CFAP97D2: variants seen among roughly 807,000 people sequenced by gnomAD.
CFAP97D2 encodes the protein uncharacterized protein CFAP97D2.
intron 4 of CFAP97D2, among the ~76,000 whole-genome samples, chr13:114,218,559 A>G (rs2138790565): frequency 6.6e-6 from 1 of 152,316 alleles, no homozygotes; most frequent in East Asian, 1.9e-4. Flanking sequence ...AAAAGAGCCC[A>G]CATTGCAAAG....
At chr13:114,217,177 TA>T (rs1177524741) in intron 4 of CFAP97D2, among the ~76,000 whole-genome samples, 1 of 152,088 alleles carries the variant, frequency 6.6e-6, no homozygotes, top group African/African-American at 2.4e-5. Context: ...ATAGATGCAA[TA>T]AAAAATGATA....
rs917811577 is a variant in CFAP97D2 at position 114,222,164 on chromosome 13, C to G, written c.481-334C>G. On this transcript the variant is annotated intron_variant, in intron 4 of 4. Coordinates refer to ENST00000646158, the Ensembl canonical transcript of CFAP97D2. The surrounding 1 kb of genome is among the most constrained non-coding windows in gnomAD (Gnocchi z 4.4). Reference sequence around the variant, plus strand: ...TCCAGAATAGGCACATTCAAAGAGACAAAAAGTAATCAGTGGTTGTCGGGG... The same window carrying G: ...TCCAGAATAGGCACATTCAAAGAGAGAAAAAGTAATCAGTGGTTGTCGGGG... Among the ~76,000 whole-genome samples the G allele has an allele frequency of 6.6e-6, 1 of 152,036 alleles. No homozygotes were observed. The highest frequency in any genetic ancestry group is 1.5e-5 in the Non-Finnish European group (1 of 68,022).
At chr13:114,205,682 G>C (rs1373828735) in intron 3 of CFAP97D2, among the ~76,000 whole-genome samples, 1 of 152,172 alleles carries the variant, frequency 6.6e-6, no homozygotes, top group Admixed American at 6.5e-5. Context: ...CAGGCTCTTT[G>C]CTTCATTGTG....
At chr13:114,208,660 C>A (rs570230186) in intron 3 of CFAP97D2, among the ~76,000 whole-genome samples, 1 of 152,270 alleles carries the variant, frequency 6.6e-6, no homozygotes, top group East Asian at 1.9e-4. Context: ...GAAGAAAATG[C>A]TGAATTACAG....
intron 3 of CFAP97D2, among the ~76,000 whole-genome samples, chr13:114,204,495 G>A (rs1446205212): frequency 6.6e-6 from 1 of 152,084 alleles, no homozygotes; most frequent in African/African-American, 2.4e-5. Flanking sequence ...TATTACACTG[G>A]CATTAAGATA....
chr13:114,194,945 C>G (rs574292904), intron 1 of CFAP97D2, among the ~76,000 whole-genome samples: 2 of 152,326 alleles, frequency 1.3e-5, no homozygotes, highest in Non-Finnish European at 2.9e-5. Context: ...CTCAGAATTT[C>G]CTGTCCATGC....
intron 3 of CFAP97D2, among the ~76,000 whole-genome samples, chr13:114,210,767 T>C (rs1260906768): frequency 2.6e-5 from 4 of 151,934 alleles, no homozygotes; most frequent in Non-Finnish European, 5.9e-5. Context: ...AGCCCCACCT[T>C]GGATGGCTTC....
chr13:114,222,703 C>T (rs1013659343), downstream of CFAP97D2: 1 of 394,086 alleles, frequency 2.5e-6, no homozygotes, highest in East Asian at 3.6e-5. This position sits in a 1 kb window ranked among gnomAD's most constrained non-coding sequence, Gnocchi z 4.4. Context: ...CAGCCTTGCC[C>T]AGGGCCGGGG....
chr13:114,185,845 T>C lies in CFAP97D2; in HGVS notation c.90+6425T>C, dbSNP rs2080852140. 6.6e-6 allele frequency among the ~76,000 whole-genome samples: 1 copy of C among 152,200 alleles called. No homozygotes were observed. ...AGCACAGTGCTGGCTGCGTGCCTCT[T>C]GGCATGAACAGCCTGCGTGCCATGA... is the stretch of plus-strand genomic sequence containing the variant. On this transcript the variant is annotated intron_variant, in intron 1 of 4. Coordinates refer to ENST00000646158, the Ensembl canonical transcript of CFAP97D2. This position sits in a 1 kb window ranked among gnomAD's most constrained non-coding sequence, Gnocchi z 5.2.
At chr13:114,182,074 A>G (rs2080835031) in intron 1 of CFAP97D2, among the ~76,000 whole-genome samples, 1 of 152,004 alleles carries the variant, frequency 6.6e-6, no homozygotes, top group Admixed American at 6.6e-5. Context: ...CCGGTCTCTG[A>G]GTTCCCTCAG....
chr13:114,211,965 G>T lies in CFAP97D2; in HGVS notation c.344G>T (p.Arg115Leu), dbSNP rs144035664. Reference sequence around the variant, plus strand: ...CTTCGCAGAGTGCGGAAGAAAACACGGCCATTCTGGAAGGAATCACACACT... The same window carrying T: ...CTTCGCAGAGTGCGGAAGAAAACACTGCCATTCTGGAAGGAATCACACACT... The change falls in exon 4 of 5, where the codon CGG becomes CTG. Residue 115 changes from arginine to leucine, a missense_variant. Coordinates refer to ENST00000646158, the Ensembl canonical transcript of CFAP97D2. The surrounding 1 kb of genome is among the most constrained non-coding windows in gnomAD (Gnocchi z 4.2). The T allele has an allele frequency of 2.5e-6, 1 of 398,726 alleles. No individual in the cohort carries two copies. The highest frequency in any genetic ancestry group is 2.1e-5 in the African/African-American group (1 of 48,754). The allele number at this position is 398,726 out of a possible 1,614,324, so 24.7% of individuals were successfully genotyped here.
At chr13:114,202,163 G>A (rs1439326730) in intron 3 of CFAP97D2, among the ~76,000 whole-genome samples, 3 of 152,178 alleles carry the variant, frequency 2.0e-5, no homozygotes, top group Non-Finnish European at 4.4e-5. Flanking sequence ...GTGTTCCATC[G>A]TACGGATCTA....
At chr13:114,219,728 T>C (rs1191517443) in intron 4 of CFAP97D2, among the ~76,000 whole-genome samples, 1 of 152,224 alleles carries the variant, frequency 6.6e-6, no homozygotes. Context: ...GCCCTGTACC[T>C]GGACAAAAAC....
chr13:114,194,544 C>G (rs180681795), intron 1 of CFAP97D2, among the ~76,000 whole-genome samples: 1 of 152,000 alleles, frequency 6.6e-6, no homozygotes, highest in African/African-American at 2.4e-5. Flanking sequence ...GAAGGGAGAT[C>G]GGGTCTCCAT....
At chr13:114,190,586 A>C (rs973181329) in intron 1 of CFAP97D2, among the ~76,000 whole-genome samples, 2 of 152,344 alleles carry the variant, frequency 1.3e-5, no homozygotes, top group African/African-American at 4.8e-5. Context: ...ATTGAACAAA[A>C]TATGTGCAAG....
At chr13:114,222,779 A>C, downstream of CFAP97D2, 1 of 374,772 alleles carries the variant, frequency 2.7e-6, no homozygotes, top group Non-Finnish European at 4.7e-6. This position sits in a 1 kb window ranked among gnomAD's most constrained non-coding sequence, Gnocchi z 4.4. Context: ...TGAAGTGCCC[A>C]GGAGGCAGCT....
At chr13:114,213,349 C>G (rs1423381569) in intron 4 of CFAP97D2, among the ~76,000 whole-genome samples, 2 of 149,552 alleles carry the variant, frequency 1.3e-5, no homozygotes, top group African/African-American at 4.9e-5. Context: ...TGTGGAAGCT[C>G]CAAGACCATG....
chr13:114,218,572 A>G (rs2081006061), intron 4 of CFAP97D2, among the ~76,000 whole-genome samples: 1 of 152,200 alleles, frequency 6.6e-6, no homozygotes, highest in African/African-American at 2.4e-5. Flanking sequence ...TTGCAAAGAC[A>G]ATCCTAAGCC....
chr13:114,198,534 C>T (rs1363446820), intron 2 of CFAP97D2, among the ~76,000 whole-genome samples: 6 of 152,384 alleles, frequency 3.9e-5, no homozygotes, highest in Middle Eastern at 3.4e-3. Flanking sequence ...GGAGGGTCAC[C>T]TAATTTTACA....
Sources: gnomAD v4.1 joint callset for allele counts (sites outside exome capture counted in the v4.1 genomes callset) on GRCh38, gnomAD v4.1.1 for gene constraint, Gnocchi (gnomAD v3.1) non-coding constraint, MANE v1.5 for transcripts, NCBI Gene and HGNC (gene_info 2026-07-23, HGNC 2026-07-21) for gene names.